The following FAM234B variants were observed in gnomAD, a reference collection of about 807,000 sequenced individuals.
The protein encoded by FAM234B is family with sequence similarity 234 member B.
FAM234B carries 33 observed loss-of-function variants against 69.3 expected under a neutral mutation model. The observed-to-expected ratio is 0.48, with a 90% confidence interval of 0.36 to 0.64. FAM234B has a LOEUF of 0.64. FAM234B is among the 30% of genes least tolerant of loss of function. FAM234B has a pLI of 0.00. For missense variants in FAM234B, 697 were observed against 769.7 expected (o/e 0.91, Z 1.12); for synonymous variants, 306 against 306.9 (o/e 1.00, Z 0.03).
chr12:13,076,094 C>T lies in FAM234B; in HGVS notation c.1593C>T (p.Ser531=), dbSNP rs1865157707. 6.2e-7 allele frequency: 1 copy of T among 1,614,214 alleles called. No individual in the cohort carries two copies. The highest frequency in any genetic ancestry group is 1.1e-5 in the South Asian group (1 of 91,082). The part of the protein sequence containing the change: ...HLYLLHPAFP[S]ILLDLANTTG... ...ACCTCCTGCATCCTGCGTTCCCCTC[C>T]ATCCTTCTGGATCTGGCCAACACCA... The change falls in exon 11 of 13, where the codon TCC becomes TCT. Residue 531 remains serine, a synonymous_variant. Coordinates refer to ENST00000197268, the MANE Select transcript of FAM234B (RefSeq NM_020853.2).
intron 1 of FAM234B, 90 bp from the exon 2 acceptor site, chr12:13,055,461 T>A: frequency 1.5e-6 from 2 of 1,297,818 alleles, no homozygotes; most frequent in Non-Finnish European, 2.1e-6. Flanking sequence ...TAGTTTTCCG[T>A]GTTCTTCTGG....
chr12:13,069,792 G>A (rs1198478014), intron 9 of FAM234B, among the ~76,000 whole-genome samples: 1 of 152,170 alleles, frequency 6.6e-6, no homozygotes, highest in African/African-American at 2.4e-5. Flanking sequence ...TGGAGGAGGC[G>A]TTGGAGGCCA....
intron 5 of FAM234B, among the ~76,000 whole-genome samples, chr12:13,065,664 A>G (rs1865028398): frequency 6.6e-6 from 1 of 151,626 alleles, no homozygotes; most frequent in Non-Finnish European, 1.5e-5. Flanking sequence ...GTCATATGCC[A>G]TATTAGCTAT....
rs990110995 is a variant in FAM234B, at chr12:13,055,437, G to C, written c.38-114G>C. 2.3e-5 allele frequency: 25 copies of C among 1,064,164 alleles called. No individual in the cohort carries two copies. In the African/African-American group the frequency reaches 3.2e-4, roughly 13 times the overall value. The allele number at this position is 1,064,164 out of a possible 1,614,324, so 65.9% of individuals were successfully genotyped here. The stretch of plus-strand genomic sequence containing the variant: ...CAAGGTTCAAACTTGATGTAAACCT[G>C]GATTTTTTTGTTTTAGTTTTCCGTG... On this transcript the variant is annotated intron_variant, in intron 1 of 12. Transcript: ENST00000197268.
Position 13,066,682 on chromosome 12 carries a change from C to G in FAM234B, c.895C>G (p.Pro299Ala). 6 of 1,613,912 alleles carry G rather than the reference C, an allele frequency of 3.7e-6. No homozygotes were observed. The highest frequency in any genetic ancestry group is 5.1e-6 in the Non-Finnish European group (6 of 1,179,894). The stretch of plus-strand genomic sequence containing the variant: ...GCTGGTGTCTGGCCGGACCGGAAAT[C>G]CAGTGGGTCGACCTGTGAAGTACAA... Reference protein sequence around the residue: ...FLLVSGRTGNPVGRPVKYNIV... With the variant: ...FLLVSGRTGNAVGRPVKYNIV... The change falls in exon 6 of 13, where the codon CCA becomes GCA. Residue 299 changes from proline to alanine, a missense_variant. Transcript: ENST00000197268.
chr12:13,056,978 CTTT>C (rs72097692), intron 2 of FAM234B, among the ~76,000 whole-genome samples: 6 of 129,466 alleles, frequency 4.6e-5, no homozygotes, highest in Admixed American at 1.5e-4. Context: ...CTGTGAACTG[CTTT>C]TTTTTTTTTT....
chr12:13,063,104 A>G, intron 5 of FAM234B, 129 bp downstream of exon 5: 2 of 1,129,574 alleles, frequency 1.8e-6, no homozygotes, highest in Non-Finnish European at 2.5e-6. Context: ...GTTTAAGTAA[A>G]TTCTCTTTGT....
At chr12:13,061,097 G>A (rs1405820787) in intron 3 of FAM234B, among the ~76,000 whole-genome samples, 29 of 152,276 alleles carry the variant, frequency 1.9e-4, no homozygotes, top group Admixed American at 1.6e-3. Context: ...TGCTCCCCGC[G>A]CTGCACACGT....
Position 13,067,716 on chromosome 12 carries a change from A to G in FAM234B, c.1142+420A>G, listed in dbSNP as rs1291392700. 4.6e-5 allele frequency among the ~76,000 whole-genome samples: 7 copies of G among 152,122 alleles called. No homozygotes were observed. The highest frequency in any genetic ancestry group is 7.4e-5 in the Non-Finnish European group (5 of 68,002). On this transcript the variant is annotated intron_variant, in intron 7 of 12. Coordinates refer to ENST00000197268, the MANE Select transcript of FAM234B (RefSeq NM_020853.2). This position sits in a 1 kb window ranked among gnomAD's most constrained non-coding sequence, Gnocchi z 4.7. ...GAAATCTTATTTTTTATTTTTATTT[A>G]TTTCCTAACTAGAAGCATGTAGTTT... is the stretch of plus-strand genomic sequence containing the variant.
Position 13,067,490 on chromosome 12 carries a change from A to T in FAM234B, c.1142+194A>T, listed in dbSNP as rs969385645. ...CTTCTCTTGGTAACATAATGCGTTG[A>T]TATCTATGTGTTGGTGACCACATGT... On this transcript the variant is annotated intron_variant, in intron 7 of 12. Coordinates refer to ENST00000197268, the MANE Select transcript of FAM234B (RefSeq NM_020853.2). The surrounding 1 kb of genome is among the most constrained non-coding windows in gnomAD (Gnocchi z 4.7). 6.6e-6 allele frequency among the ~76,000 whole-genome samples: 1 copy of T among 152,194 alleles called. No individual in the cohort carries two copies. Among genetic ancestry groups the T allele is most frequent in the East Asian group, 1.9e-4 (1 of 5,190 alleles).
At chr12:13,065,154 T>C (rs1865023903) in intron 5 of FAM234B, among the ~76,000 whole-genome samples, 2 of 152,238 alleles carry the variant, frequency 1.3e-5, no homozygotes, top group Admixed American at 1.3e-4. Flanking sequence ...ATCTGCTTTC[T>C]CATAGCTTCC....
At chr12:13,065,707 T>G (rs1865028948) in intron 5 of FAM234B, among the ~76,000 whole-genome samples, 1 of 152,232 alleles carries the variant, frequency 6.6e-6, no homozygotes, top group Admixed American at 6.5e-5. Context: ...TTGAATTCTA[T>G]TCTTTCAAGT....
Position 13,079,852 on chromosome 12 carries a change from AAGGCCATCCAGC to A in FAM234B, c.1709_1720del (p.Gly570_Ala573del). 6.2e-7 allele frequency: 1 copy of A among 1,614,072 alleles called. No homozygotes were observed. Among genetic ancestry groups the A allele is most frequent in the South Asian group, 1.1e-5 (1 of 91,056 alleles). On this transcript the variant is annotated inframe_deletion, in exon 12 of 13. Coordinates refer to ENST00000197268, the MANE Select transcript of FAM234B (RefSeq NM_020853.2). ...ACCAGGACAACAGGGCCAAGCTCCG[AAGGCCATCCAGC>A]AGCCCTGGTGGTCAGCAAGCTTAGT...
chr12:13,050,585 T>C (rs1864865134), intron 1 of FAM234B, among the ~76,000 whole-genome samples: 1 of 152,196 alleles, frequency 6.6e-6, no homozygotes, highest in South Asian at 2.1e-4. Context: ...GGAGGTAGTA[T>C]AACTTGTTGG....
chr12:13,047,515 A>G (rs1864825287), intron 1 of FAM234B, among the ~76,000 whole-genome samples: 1 of 152,164 alleles, frequency 6.6e-6, no homozygotes, highest in South Asian at 2.1e-4. Context: ...ATGTTTTAGT[A>G]TATTTCCTGA....
In FAM234B at chr12:13,062,918, A is replaced by G. The variant is rs1423630836; in HGVS notation, c.795A>G (p.Pro265=). ...TGGCTGCCCCAGTTGTGGTACTGCC[A>G]GACTTGGATGAAGACGGTGTTCGAG... ...GTLAAPVVVL[P]DLDEDGVRDL... Residue 265 remains proline, a synonymous_variant, in exon 5 of 13, where the codon CCA becomes CCG. Coordinates refer to ENST00000197268, the MANE Select transcript of FAM234B (RefSeq NM_020853.2). The G allele has an allele frequency of 3.1e-6, 5 of 1,613,986 alleles. No homozygotes were observed. Among genetic ancestry groups the G allele is most frequent in the Non-Finnish European group, 4.2e-6 (5 of 1,179,954 alleles).
intron 1 of FAM234B, among the ~76,000 whole-genome samples, chr12:13,046,592 C>G (rs1222159882): frequency 3.9e-5 from 6 of 152,162 alleles, no homozygotes; most frequent in Non-Finnish European, 7.3e-5. Context: ...TCCCGAGTAG[C>G]TGGGATTACA....
At position 13,082,624 on chromosome 12, in the gene FAM234B, A is replaced by G. The variant is rs2120522770; in HGVS notation, c.*1994A>G. 1.3e-5 allele frequency: 2 copies of G among 152,296 alleles called. No homozygotes were observed. Among genetic ancestry groups the G allele is most frequent in the South Asian group, 4.1e-4 (2 of 4,830 alleles). 9.4% of individuals were successfully genotyped at this position (152,296 alleles called of 1,614,324 possible). On this transcript the variant is annotated 3_prime_UTR_variant, in exon 13 of 13. Transcript: ENST00000197268. ...GGCCTGGGACCTAATTTGGTTTAGTATAGAATTTGAAGAATTAATTTATAG... is the reference window on the plus strand; with the variant it reads ...GGCCTGGGACCTAATTTGGTTTAGTGTAGAATTTGAAGAATTAATTTATAG...
At chr12:13,065,258 C>G (rs764124533) in intron 5 of FAM234B, among the ~76,000 whole-genome samples, 5 of 152,180 alleles carry the variant, frequency 3.3e-5, no homozygotes, top group Admixed American at 6.5e-5. Context: ...CCTAGTCCCT[C>G]TAAGCTTGCT....
Sources: allele counts gnomAD v4.1 joint callset (sites outside exome capture counted in the v4.1 genomes callset), GRCh38; gene constraint gnomAD v4.1.1; non-coding constraint Gnocchi (gnomAD v3.1); transcripts MANE v1.5; gene names NCBI Gene and HGNC (gene_info 2026-07-23, HGNC 2026-07-21).